The following ELOVL1 variants were observed in gnomAD, a reference collection of about 807,000 sequenced individuals.
ELOVL1 encodes the protein ELOVL fatty acid elongase 1.
A neutral mutation model predicts 37.8 loss-of-function variants in ELOVL1; 10 were observed. The ratio of observed to expected loss-of-function variants is 0.26; its 90% confidence interval spans 0.16 to 0.45. The LOEUF is 0.45. Ranked by LOEUF, ELOVL1 falls within the 20% of genes least tolerant of loss-of-function variation. The pLI, the probability that ELOVL1 is intolerant of heterozygous loss-of-function variation, is 1.00. For synonymous variants in ELOVL1, 133 were observed against 123.8 expected, an observed-to-expected ratio of 1.07 and a Z score of -0.49; for missense variants, 256 against 352.7, an observed-to-expected ratio of 0.73 and a Z score of 2.20.
intron 1 of ELOVL1, among the ~76,000 whole-genome samples, chr1:43,366,018 C>A (rs981555572): frequency 8.5e-5 from 13 of 152,058 alleles, no homozygotes; most frequent in Admixed American, 2.0e-4. Flanking sequence ...TCCCTCACCT[C>A]CCCAGCTCTG....
At chr1:43,365,105 G>T in intron 3 of ELOVL1, 81 bp downstream of exon 3, 1 of 1,600,904 alleles carries the variant, frequency 6.2e-7, no homozygotes, top group Non-Finnish European at 8.5e-7. Context: ...TCTCTGGAAA[G>T]GAGAAATGCC....
In ELOVL1 at chr1:43,363,802, A is replaced by T; in HGVS notation, c.*114T>A. The stretch of plus-strand genomic sequence containing the variant: ...GGAGGGGAGGGCCAGTCCCCTGCTC[A>T]GTCCTGACCACATAAGCCTTGGTCA... On this transcript the variant is annotated 3_prime_UTR_variant, in exon 8 of 8. Coordinates refer to ENST00000372458, the MANE Select transcript of ELOVL1 (RefSeq NM_022821.4). The T allele has an allele frequency of 3.1e-6, 3 of 961,802 alleles. No individual in the cohort carries two copies. The highest frequency in any genetic ancestry group is 4.0e-5 in the Admixed American group (2 of 50,574). 59.6% of individuals were successfully genotyped at this position (961,802 alleles called of 1,614,324 possible).
intron 1 of ELOVL1, 70 bp from the exon 2 acceptor site, chr1:43,365,693 C>G: frequency 6.8e-7 from 1 of 1,476,612 alleles, no homozygotes; most frequent in South Asian, 1.1e-5. Flanking sequence ...AGATAAGACA[C>G]AGAACCAGAC....
chr1:43,364,027 G>A lies in ELOVL1; in HGVS notation c.729C>T (p.Phe243=). ...IHLIWMYGTI[F]FMLFSNFWYH... is the part of the protein sequence containing the mutation. ...ACCAGAAGTTGGAGAACAGCATGAAGAAGATGGTGCCATACATCCAGATGA... is the reference window on the plus strand; with the variant it reads ...ACCAGAAGTTGGAGAACAGCATGAAAAAGATGGTGCCATACATCCAGATGA... Residue 243 remains phenylalanine (F), a synonymous_variant, in exon 8 of 8, where the codon TTC becomes TTT. Transcript: ENST00000372458. The surrounding 1 kb of genome is among the most constrained non-coding windows in gnomAD (Gnocchi z 5.2). 6.2e-7 allele frequency: 1 copy of A among 1,614,232 alleles called. No individual in the cohort carries two copies. The highest frequency in any genetic ancestry group is 8.5e-7 in the Non-Finnish European group (1 of 1,180,046).
chr1:43,367,069 C>G (rs1488184462), intron 1 of ELOVL1: 1 of 152,572 alleles, frequency 6.6e-6, no homozygotes, highest in Non-Finnish European at 1.5e-5. Context: ...GGCCCGGCTT[C>G]TTTAGGCCCA....
Position 43,364,784 on chromosome 1 carries a change from A to C in ELOVL1, c.329T>G (p.Val110Gly). The change falls in exon 5 of 8, where the codon GTG becomes GGG. Residue 110 changes from valine to glycine, a missense_variant. Val to Gly is a moderately radical substitution (Grantham distance 109). Transcript: ENST00000372458. This position sits in a 1 kb window ranked among gnomAD's most constrained non-coding sequence, Gnocchi z 5.2. ...CTTGGAGAAGAGGAAGAGCCAGGCCACCCGAACCATCTGCAAGAAGTTGGG... is the reference window on the plus strand; with the variant it reads ...CTTGGAGAAGAGGAAGAGCCAGGCCCCCCGAACCATCTGCAAGAAGTTGGG... ...NSPEALRMVR[V>G]AWLFLFSKFI... 1 of 1,614,134 alleles carries C rather than the reference A, an allele frequency of 6.2e-7. No homozygotes were observed. Among genetic ancestry groups the C allele is most frequent in the Non-Finnish European group, 8.5e-7 (1 of 1,180,014 alleles).
chr1:43,365,013 G>A lies in ELOVL1; in HGVS notation c.238-5C>T. ...CAGCCAGCCCGACATCAGGAACTGG[G>A]AAGGGATGTGGATTAGACCACCAGA... On this transcript the variant is annotated splice_polypyrimidine_tract_variant and splice_region_variant and intron_variant, in intron 3 of 7. Transcript: ENST00000372458. 6.2e-7 allele frequency: 1 copy of A among 1,612,646 alleles called. No homozygotes were observed. Among genetic ancestry groups the A allele is most frequent in the South Asian group, 1.1e-5 (1 of 90,796 alleles).
Position 43,365,345 on chromosome 1 carries a change from C to T in ELOVL1, c.78G>A (p.Gly26=). 1.2e-6 allele frequency: 2 copies of T among 1,613,194 alleles called. No individual in the cohort carries two copies. Among genetic ancestry groups the T allele is most frequent in the Non-Finnish European group, 1.7e-6 (2 of 1,179,618 alleles). ...GAATGGAGGTCATTAGCAAGGGGGA[C>T]CCCATCAGAGGGTAGCCCTGGATCC... The part of the protein sequence containing the change: ...DPRIQGYPLM[G]SPLLMTSILL... Residue 26 remains glycine, a synonymous_variant, in exon 3 of 8, where the codon GGG becomes GGA. Coordinates refer to ENST00000372458, the MANE Select transcript of ELOVL1 (RefSeq NM_022821.4).
Position 43,365,192 on chromosome 1 carries a change from G to A in ELOVL1, c.231C>T (p.Val77=), listed in dbSNP as rs757608683. The A allele has an allele frequency of 6.2e-7, 1 of 1,614,062 alleles. No individual in the cohort carries two copies. Among genetic ancestry groups the A allele is most frequent in the Non-Finnish European group, 8.5e-7 (1 of 1,179,952 alleles). Residue 77 remains valine (V), a synonymous_variant, in exon 3 of 8, where the codon GTC becomes GTT. Coordinates refer to ENST00000372458, the MANE Select transcript of ELOVL1 (RefSeq NM_022821.4). ...FSLVALSLYI[V]YEFLMSGWLS... ...CGGCATCCCAGGGGCCCACCTCATAGACAATGTAGAGGGAGAGTGCCACCA... is the reference window on the plus strand; with the variant it reads ...CGGCATCCCAGGGGCCCACCTCATAAACAATGTAGAGGGAGAGTGCCACCA...
chr1:43,363,790 A>G lies in ELOVL1; in HGVS notation c.*126T>C. The stretch of plus-strand genomic sequence containing the variant: ...GAGCAGCTGTGGGGAGGGGAGGGCC[A>G]GTCCCCTGCTCAGTCCTGACCACAT... On this transcript the variant is annotated 3_prime_UTR_variant, in exon 8 of 8. Coordinates refer to ENST00000372458, the MANE Select transcript of ELOVL1 (RefSeq NM_022821.4). 1.2e-6 allele frequency: 1 copy of G among 842,886 alleles called. No individual in the cohort carries two copies. The highest frequency in any genetic ancestry group is 1.9e-6 in the Non-Finnish European group (1 of 530,446). 52.2% of individuals were successfully genotyped at this position (842,886 alleles called of 1,614,324 possible).
chr1:43,364,070 T>C lies in ELOVL1; in HGVS notation c.686A>G (p.Tyr229Cys). ...YYFMSSCNYQYPVIIHLIWMY... is the reference protein window; with the variant it reads ...YYFMSSCNYQCPVIIHLIWMY... The stretch of plus-strand genomic sequence containing the variant: ...CCAGATGAGGTGAATAATGACTGGG[T>C]ACTGGTAGTTACAGCTGGACATAAA... The change falls in exon 8 of 8, where the codon TAC (tyrosine) becomes TGC (cysteine). Residue 229 changes from tyrosine to cysteine, a missense_variant. This residue lies in a region of ELOVL1 where 59 missense variants were observed against 73.3 expected (regional missense o/e 0.80). Coordinates refer to ENST00000372458, the MANE Select transcript of ELOVL1 (RefSeq NM_022821.4). The surrounding 1 kb of genome is among the most constrained non-coding windows in gnomAD (Gnocchi z 5.2). 7 of 1,614,156 alleles carry C rather than the reference T, an allele frequency of 4.3e-6. No individual in the cohort carries two copies. The highest frequency in any genetic ancestry group is 5.9e-6 in the Non-Finnish European group (7 of 1,180,028).
chr1:43,367,986 C>G lies in ELOVL1; in HGVS notation c.-86G>C, dbSNP rs1314398325. On this transcript the variant is annotated 5_prime_UTR_variant, in exon 1 of 8. Transcript: ENST00000372458. The stretch of plus-strand genomic sequence containing the variant: ...GCCAGAGAGAAGTCCCCGGGGCCAG[C>G]CTGCCTGCCTGCCACTTCCTCATCT... The G allele has an allele frequency of 1.3e-5, 2 of 152,196 alleles. No homozygotes were observed. Among genetic ancestry groups the G allele is most frequent in the Non-Finnish European group, 2.9e-5 (2 of 68,126 alleles). The allele number at this position is 152,196 out of a possible 1,614,324, so 9.4% of individuals were successfully genotyped here.
In ELOVL1 at chr1:43,367,999, C is replaced by T. The variant is rs1350775228; in HGVS notation, c.-99G>A. On this transcript the variant is annotated 5_prime_UTR_variant, in exon 1 of 8. It introduces an in-frame stop codon into an upstream open reading frame of the 5' UTR. Coordinates refer to ENST00000372458, the MANE Select transcript of ELOVL1 (RefSeq NM_022821.4). ...CCCCGGGGCCAGCCTGCCTGCCTGCCACTTCCTCATCTGCTGGGCCGACTT... is the reference window on the plus strand; with the variant it reads ...CCCCGGGGCCAGCCTGCCTGCCTGCTACTTCCTCATCTGCTGGGCCGACTT... 6.6e-6 allele frequency: 1 copy of T among 152,128 alleles called. No homozygotes were observed. The highest frequency in any genetic ancestry group is 2.4e-5 in the African/African-American group (1 of 41,386). 9.4% of individuals were successfully genotyped at this position (152,128 alleles called of 1,614,324 possible).
chr1:43,365,706 G>C (rs1647222417), intron 1 of ELOVL1, 83 bp from the exon 2 acceptor site: 1 of 1,366,778 alleles, frequency 7.3e-7, no homozygotes, highest in Non-Finnish European at 1.0e-6. Flanking sequence ...AACCAGACAA[G>C]ACACCTGCAA....
Position 43,363,629 on chromosome 1 carries a change from A to G in ELOVL1, c.*287T>C. The G allele has an allele frequency of 2.2e-6, 1 of 459,274 alleles. No individual in the cohort carries two copies. The highest frequency in any genetic ancestry group is 2.4e-5 in the South Asian group (1 of 41,478). 28.4% of individuals were successfully genotyped at this position (459,274 alleles called of 1,614,324 possible). A position where few individuals can be genotyped will look rare whatever the true frequency, so the allele number is the denominator to read the frequency against. Reference sequence around the variant, plus strand: ...GCCAGCCCTGAGTGCTCCTCTCCCAAGTTTTAAGGCAGGGAGGGGGAAATA... The same window carrying G: ...GCCAGCCCTGAGTGCTCCTCTCCCAGGTTTTAAGGCAGGGAGGGGGAAATA... On this transcript the variant is annotated 3_prime_UTR_variant, in exon 8 of 8. Transcript: ENST00000372458.
In ELOVL1 at chr1:43,364,710, A is replaced by G. The variant is rs767598034; in HGVS notation, c.375+28T>C. On this transcript the variant is annotated intron_variant, in intron 5 of 7. Transcript: ENST00000372458. This position sits in a 1 kb window ranked among gnomAD's most constrained non-coding sequence, Gnocchi z 5.2. ...GCTTCTCCACCTCATTCTCCCCTCA[A>G]GTTCTCACATCTCATATAACTACTC... The G allele has an allele frequency of 1.2e-6, 2 of 1,614,132 alleles. No individual in the cohort carries two copies. The highest frequency in any genetic ancestry group is 4.5e-5 in the East Asian group (2 of 44,884).
intron 2 of ELOVL1, 81 bp from the exon 3 acceptor site, chr1:43,365,457 C>G: frequency 1.2e-6 from 2 of 1,609,182 alleles, no homozygotes; most frequent in East Asian, 2.2e-5. Context: ...GACATGAGGT[C>G]AGGTCACAGG....
chr1:43,365,309 G>A lies in ELOVL1; in HGVS notation c.114C>T (p.Tyr38=), dbSNP rs1474986720. Residue 38 remains tyrosine, a synonymous_variant, in exon 3 of 8, where the codon TAC becomes TAT. Transcript: ENST00000372458. The stretch of plus-strand genomic sequence containing the variant: ...GCCCAAGTGAGAGAACGAAGTACAC[G>A]TAGGTCAGGAGAATGGAGGTCATTA... ...PLLMTSILLT[Y]VYFVLSLGPR... 6 of 1,613,890 alleles carry A rather than the reference G, an allele frequency of 3.7e-6. No individual in the cohort carries two copies. The highest frequency in any genetic ancestry group is 1.1e-5 in the South Asian group (1 of 91,054).
intron 2 of ELOVL1, 94 bp from the exon 3 acceptor site, chr1:43,365,470 C>G (rs1303140644): frequency 6.2e-7 from 1 of 1,611,076 alleles, no homozygotes; most frequent in African/African-American, 1.3e-5. Context: ...GTCACAGGAT[C>G]AAGGGTTTCA....
Sources: gnomAD v4.1 joint callset for allele counts (sites outside exome capture counted in the v4.1 genomes callset) on GRCh38, gnomAD v4.1.1 for gene constraint, gnomAD v4.1.1 regional missense constraint, Gnocchi (gnomAD v3.1) non-coding constraint, MANE v1.5 for transcripts, NCBI Gene and HGNC (gene_info 2026-07-23, HGNC 2026-07-21) for gene names.